Variants in GHR observed in about 807,000 individuals in gnomAD.
GHR encodes growth hormone receptor.
Under a neutral mutation model 67.1 loss-of-function variants are expected in GHR, and 35 were observed. The observed-to-expected ratio is 0.52, with a 90% confidence interval of 0.40 to 0.69. The LOEUF is 0.69. Ranked by LOEUF, GHR falls within the 30% of genes least tolerant of loss-of-function variation. The pLI, the probability that GHR is intolerant of heterozygous loss-of-function variation, is 0.00. For missense variants in GHR, 792 were observed against 764.6 expected (o/e 1.04, Z -0.42); for synonymous variants, 272 against 269.1 (o/e 1.01, Z -0.10).
intron 1 of GHR, among the ~76,000 whole-genome samples, chr5:42,541,155 G>A (rs753579160): frequency 1.1e-4 from 16 of 152,056 alleles, no homozygotes; most frequent in South Asian, 2.1e-4. Flanking sequence ...CAACCAAATC[G>A]TCTCTGAGCT....
intron 2 of GHR, among the ~76,000 whole-genome samples, chr5:42,575,606 T>C (rs1344739352): frequency 2.0e-5 from 3 of 151,666 alleles, no homozygotes; most frequent in African/African-American, 7.3e-5. Context: ...CTCACGAGGA[T>C]GCAAATTTCT....
At position 42,579,132 on chromosome 5, in the gene GHR, TAGATAGATGATAGATAGATATAG is replaced by T. The variant is rs56699114; in HGVS notation, c.70+13190_70+13212del. Among the ~76,000 whole-genome samples, 676 of 81,292 alleles carry T rather than the reference TAGATAGATGATAGATAGATATAG, an allele frequency of 8.3e-3. 7 individuals carry two copies. The highest frequency in any genetic ancestry group is 0.012 in the Middle Eastern group (2 of 164). 53.3% of individuals were successfully genotyped at this position (81,292 alleles called of 152,430 possible). A position where few individuals can be genotyped will look rare whatever the true frequency, so the allele number is the denominator to read the frequency against. On this transcript the variant is annotated intron_variant, in intron 2 of 9. Coordinates refer to ENST00000230882, the MANE Select transcript of GHR (RefSeq NM_000163.5). ...ATAGATAGATAGATAGATAGATAGA[TAGATAGATGATAGATAGATATAG>T]ATAGATAGATAGATAGATAGATAGA... is the stretch of plus-strand genomic sequence containing the variant.
chr5:42,702,303 T>C (rs1757969576), intron 6 of GHR, among the ~76,000 whole-genome samples: 1 of 152,102 alleles, frequency 6.6e-6, no homozygotes, highest in Admixed American at 6.5e-5. Flanking sequence ...GTGGTATTTG[T>C]TTTTCTGTCT....
intron 1 of GHR, among the ~76,000 whole-genome samples, chr5:42,458,464 T>TAA (rs35927683): frequency 6.6e-6 from 1 of 151,844 alleles, no homozygotes. Context: ...TTACACCATA[T>TAA]AAAAAAATCA....
Position 42,550,942 on chromosome 5 carries a change from C to T in GHR, c.-11-14922C>T, listed in dbSNP as rs193147948. On this transcript the variant is annotated intron_variant, in intron 1 of 9. Coordinates refer to ENST00000230882, the MANE Select transcript of GHR (RefSeq NM_000163.5). ...AGCCTGAGGCTCAACTTCTAGCCCT[C>T]TCTTTTCTCTTTTACCGGAACTAAC... Among the ~76,000 whole-genome samples, 4 of 152,170 alleles carry T rather than the reference C, an allele frequency of 2.6e-5. 1 individual carries two copies. Among genetic ancestry groups the T allele is most frequent in the Admixed American group, 2.6e-4 (4 of 15,276 alleles).
intron 2 of GHR, among the ~76,000 whole-genome samples, chr5:42,597,691 G>A (rs904453970): frequency 5.3e-5 from 8 of 152,320 alleles, no homozygotes; most frequent in African/African-American, 1.9e-4. Context: ...GGCTTCATTT[G>A]TAAGTACCAG....
intron 1 of GHR, chr5:42,550,089 T>C: frequency 1.0e-6 from 1 of 977,652 alleles, no homozygotes; most frequent in Non-Finnish European, 1.2e-6. Flanking sequence ...TCAATGATAT[T>C]AGCTATGACA....
chr5:42,632,327 A>T (rs1405890350), intron 3 of GHR, among the ~76,000 whole-genome samples: 1 of 152,132 alleles, frequency 6.6e-6, no homozygotes, highest in Non-Finnish European at 1.5e-5. Context: ...AAAACCTGAT[A>T]CTCATGGCCT....
At chr5:42,576,102 A>AG (rs375204414) in intron 2 of GHR, among the ~76,000 whole-genome samples, 26,181 of 119,472 alleles carry the variant, frequency 0.22, 3,306 homozygotes, top group African/African-American at 0.29. Flanking sequence ...AATAAAATAA[A>AG]TAAAATAAAA....
chr5:42,632,938 T>C lies in GHR; in HGVS notation c.136+3835T>C, dbSNP rs1754001345. Among the ~76,000 whole-genome samples the C allele has an allele frequency of 2.0e-5, 3 of 152,190 alleles. No individual in the cohort carries two copies. In the South Asian group the frequency reaches 6.2e-4, roughly 31 times the overall value. On this transcript the variant is annotated intron_variant, in intron 3 of 9. Transcript: ENST00000230882. ...CAATCTCCTAGAGAAAAGCAAAACA[T>C]TTTTAGTATTCCCAAATAAGACAGG...
intron 3 of GHR, among the ~76,000 whole-genome samples, chr5:42,674,267 G>A (rs6878461): frequency 0.85 from 128,794 of 152,170 alleles, 54,654 homozygotes; most frequent in East Asian, 1. Flanking sequence ...TCCAATAGAG[G>A]CTAAAAAGAA....
intron 2 of GHR, among the ~76,000 whole-genome samples, chr5:42,604,028 G>A (rs72754947): frequency 0.042 from 6,449 of 152,284 alleles, 202 homozygotes; most frequent in Middle Eastern, 0.088. Flanking sequence ...TTATGTTTAT[G>A]AGTTTATTAT....
At chr5:42,628,953 G>T in intron 2 of GHR, 85 bp from the exon 3 acceptor site, 2 of 827,660 alleles carry the variant, frequency 2.4e-6, no homozygotes, top group Non-Finnish European at 2.0e-6. Flanking sequence ...TTGGGAAGCT[G>T]AGGATTTTGT....
intron 8 of GHR, among the ~76,000 whole-genome samples, chr5:42,715,636 T>A (rs1414906270): frequency 6.6e-6 from 1 of 152,218 alleles, no homozygotes; most frequent in East Asian, 1.9e-4. Context: ...AAAATAGAAT[T>A]TCCAAACCAG....
intron 3 of GHR, among the ~76,000 whole-genome samples, chr5:42,636,109 C>T (rs1257846398): frequency 6.7e-6 from 1 of 148,912 alleles, no homozygotes; most frequent in Non-Finnish European, 1.5e-5. Flanking sequence ...ACTTGGGAGG[C>T]TGAGGCAGGA....
chr5:42,583,182 C>G (rs12187186), intron 2 of GHR, among the ~76,000 whole-genome samples: 1 of 152,212 alleles, frequency 6.6e-6, no homozygotes, highest in South Asian at 2.1e-4. Context: ...GTTAGGTGTG[C>G]TTGTTTGTTT....
chr5:42,589,188 AT>A (rs910728172), intron 2 of GHR, among the ~76,000 whole-genome samples: 7 of 152,218 alleles, frequency 4.6e-5, no homozygotes, highest in African/African-American at 1.7e-4. Context: ...AAAATTCACC[AT>A]ATTTAACCTG....
intron 1 of GHR, among the ~76,000 whole-genome samples, chr5:42,536,440 A>G (rs1050509831): frequency 1.3e-5 from 2 of 151,814 alleles, no homozygotes; most frequent in African/African-American, 4.8e-5. Context: ...TTTTGTTTTT[A>G]ATTCTGTTTA....
intron 1 of GHR, chr5:42,465,977 G>A (rs1478083146): frequency 3.1e-6 from 2 of 641,842 alleles, no homozygotes; most frequent in African/African-American, 3.7e-5. Flanking sequence ...TTGTTGAGCA[G>A]GTCTTCTTCC....
Sources: allele counts gnomAD v4.1 joint callset (sites outside exome capture counted in the v4.1 genomes callset), GRCh38; gene constraint gnomAD v4.1.1; transcripts MANE v1.5; gene names NCBI Gene and HGNC (gene_info 2026-07-23, HGNC 2026-07-21).